RLN2: variants seen among roughly 807,000 people sequenced by gnomAD.
RLN2 encodes prorelaxin H2.
Under a neutral mutation model 7.3 loss-of-function variants are expected in RLN2, and 10 were observed. That is an observed-to-expected ratio of 1.36 (90% confidence interval 0.84 to 2.31). The LOEUF (loss-of-function observed/expected upper bound fraction) is 2.31, where lower values mean the gene tolerates loss of function less well. Among genes scored for constraint, RLN2 ranks in the 30% most tolerant of loss-of-function variants. The pLI, the probability that RLN2 is intolerant of heterozygous loss-of-function variation, is 0.00. For synonymous variants in RLN2, 103 were observed against 82.3 expected, an observed-to-expected ratio of 1.25 and a Z score of -1.36; for missense variants, 298 against 217.6, an observed-to-expected ratio of 1.37 and a Z score of -2.32.
the RLN2 span, among the ~76,000 whole-genome samples, chr9:5,313,879 C>A: frequency 2.5e-4 from 38 of 151,970 alleles, 1 homozygote; most frequent in African/African-American, 7.2e-4. Context: ...GTGCAGAAAC[C>A]CAAGATGGCC....
At chr9:5,328,429 C>A in the RLN2 span, among the ~76,000 whole-genome samples, 1 of 151,956 alleles carries the variant, frequency 6.6e-6, no homozygotes, top group African/African-American at 2.4e-5. Context: ...AACAAATATA[C>A]GTTAGTTTGG....
Position 5,300,206 on chromosome 9 carries a change from G to A in RLN2, c.450C>T (p.Tyr150=). Residue 150 remains tyrosine, a synonymous_variant, in exon 2 of 2, where the codon TAC becomes TAT. Transcript: ENST00000381627. ...AADSSPSELK[Y]LGLDTHSRKK... ...TTCGAGAATGAGTATCCAAGCCTAA[G>A]TATTTTAATTCTGAAGGACTGCTGT... The A allele has an allele frequency of 6.2e-7, 1 of 1,613,938 alleles. No individual in the cohort carries two copies. The highest frequency in any genetic ancestry group is 8.5e-7 in the Non-Finnish European group (1 of 1,179,840).
chr9:5,332,811 T>C, the RLN2 span, among the ~76,000 whole-genome samples: 1 of 151,758 alleles, frequency 6.6e-6, no homozygotes, highest in Non-Finnish European at 1.5e-5. Flanking sequence ...GAAACGGGGT[T>C]TCACCATGTT....
chr9:5,301,882 C>A lies in RLN2; in HGVS notation c.212-1438G>T, dbSNP rs1816149255. On this transcript the variant is annotated intron_variant, in intron 1 of 1. Transcript: ENST00000381627. ...TTCATCCTTCCTCCCAACACTCTCC[C>A]TCATTCATGTTCTAAACTGGAAATG... Among the ~76,000 whole-genome samples the A allele has an allele frequency of 3.3e-5, 5 of 152,296 alleles. No homozygotes were observed. The South Asian group carries it at 1.0e-3, about 32-fold the overall frequency.
At chr9:5,321,503 A>G in the RLN2 span, among the ~76,000 whole-genome samples, 1 of 152,132 alleles carries the variant, frequency 6.6e-6, no homozygotes, top group East Asian at 1.9e-4. Flanking sequence ...TAGGCTGTAT[A>G]TGAGCAGTGA....
the RLN2 span, among the ~76,000 whole-genome samples, chr9:5,322,629 T>G: frequency 1.3e-5 from 2 of 152,034 alleles, no homozygotes; most frequent in South Asian, 2.1e-4. Context: ...AGTTTTCAAT[T>G]TGATAAAGCT....
the RLN2 span, among the ~76,000 whole-genome samples, chr9:5,316,357 T>C: frequency 6.6e-6 from 1 of 151,926 alleles, no homozygotes; most frequent in African/African-American, 2.4e-5. Context: ...GTTTGTTACA[T>C]AGGTATACAC....
At chr9:5,326,358 C>A in the RLN2 span, among the ~76,000 whole-genome samples, 2 of 152,106 alleles carry the variant, frequency 1.3e-5, no homozygotes, top group African/African-American at 4.8e-5. Flanking sequence ...GATCCAGTGA[C>A]AGGTGGAGCC....
chr9:5,320,952 T>C, the RLN2 span, among the ~76,000 whole-genome samples: 10 of 152,036 alleles, frequency 6.6e-5, no homozygotes, highest in African/African-American at 2.2e-4. Flanking sequence ...ATTTATCTCA[T>C]CAAAATTAGG....
the RLN2 span, among the ~76,000 whole-genome samples, chr9:5,313,846 A>G: frequency 1.3e-5 from 2 of 152,028 alleles, no homozygotes; most frequent in Admixed American, 1.3e-4. Context: ...AATACATTAA[A>G]GGTGTATTAG....
chr9:5,305,424 G>GA (rs1438079614), upstream of RLN2, among the ~76,000 whole-genome samples: 2 of 149,110 alleles, frequency 1.3e-5, no homozygotes, highest in African/African-American at 5.0e-5. Context: ...GAGAGAGAGA[G>GA]AGAAGAAAAA....
the RLN2 span, among the ~76,000 whole-genome samples, chr9:5,318,903 G>C: frequency 1.3e-5 from 2 of 151,884 alleles, no homozygotes; most frequent in East Asian, 3.8e-4. Flanking sequence ...AGATTTTTAA[G>C]ATTGGCAATA....
upstream of RLN2, among the ~76,000 whole-genome samples, chr9:5,305,394 CACACACACAG>C (rs942949574): frequency 1.1e-4 from 16 of 142,230 alleles, no homozygotes; most frequent in African/African-American, 4.1e-4. Flanking sequence ...CACACACACA[CACACACACAG>C]AGAGAGAGAG....
At chr9:5,332,721 T>C in the RLN2 span, among the ~76,000 whole-genome samples, 1 of 151,754 alleles carries the variant, frequency 6.6e-6, no homozygotes, top group Non-Finnish European at 1.5e-5. Context: ...GTTCAAGCGA[T>C]TCTCCTGCCT....
At chr9:5,300,522 C>A (rs769347420) in intron 1 of RLN2, 78 bp from the exon 2 acceptor site, 10 of 950,828 alleles carry the variant, frequency 1.1e-5, no homozygotes, top group Admixed American at 2.7e-5. Context: ...TGAATGTTTG[C>A]ATAGACAAAA....
the RLN2 span, among the ~76,000 whole-genome samples, chr9:5,327,405 C>G: frequency 6.6e-6 from 1 of 152,002 alleles, no homozygotes; most frequent in Non-Finnish European, 1.5e-5. Context: ...CTAGGAAGCA[C>G]AAACTGGGTG....
At chr9:5,305,102 A>C (rs928441358), upstream of RLN2, 1 of 152,590 alleles carries the variant, frequency 6.6e-6, no homozygotes, top group African/African-American at 2.4e-5. Flanking sequence ...CAATCCATAA[A>C]AATATAAAAA....
upstream of RLN2, among the ~76,000 whole-genome samples, chr9:5,307,309 A>G (rs10975045): frequency 0.059 from 8,601 of 145,530 alleles, 354 homozygotes; most frequent in South Asian, 0.14. Flanking sequence ...AGATAGATAG[A>G]TGATAGATAG....
the RLN2 span, among the ~76,000 whole-genome samples, chr9:5,310,668 A>G: frequency 4.6e-5 from 7 of 152,038 alleles, no homozygotes; most frequent in African/African-American, 1.7e-4. Context: ...AGAATTTGCA[A>G]TATACATTTA....
Sources: gnomAD v4.1 joint callset for allele counts (sites outside exome capture counted in the v4.1 genomes callset) on GRCh38, gnomAD v4.1.1 for gene constraint, MANE v1.5 for transcripts, NCBI Gene and HGNC (gene_info 2026-07-23, HGNC 2026-07-21) for gene names.